The following SLC9A9 variants were observed in gnomAD, a reference collection of about 807,000 sequenced individuals.
SLC9A9 encodes the protein sodium/hydrogen exchanger 9.
SLC9A9 carries 62 observed loss-of-function variants against 77.8 expected under a neutral mutation model. The observed-to-expected ratio is 0.80, with a 90% CI of 0.65 to 0.98. SLC9A9 has a LOEUF of 0.98. SLC9A9 is among the 50% of genes least tolerant of loss of function. SLC9A9 has a pLI of 0.00. For synonymous variants in SLC9A9, 320 were observed against 283.5 expected, an observed-to-expected ratio of 1.13 and a Z score of -1.29; for missense variants, 775 against 774.9, an observed-to-expected ratio of 1.00 and a Z score of 0.00.
intron 11 of SLC9A9, among the ~76,000 whole-genome samples, chr3:143,489,645 A>G (rs531314338): frequency 8.5e-5 from 13 of 152,182 alleles, no homozygotes; most frequent in Admixed American, 6.5e-4. Flanking sequence ...CTCTAAAAGC[A>G]CAGGCAACAA....
chr3:143,383,979 A>C (rs2033361643), intron 12 of SLC9A9, among the ~76,000 whole-genome samples: 1 of 152,194 alleles, frequency 6.6e-6, no homozygotes, highest in African/African-American at 2.4e-5. Flanking sequence ...GAATAGCCCC[A>C]TCTCTCTAAC....
chr3:143,425,829 T>C (rs2034394452), intron 12 of SLC9A9, among the ~76,000 whole-genome samples: 1 of 152,170 alleles, frequency 6.6e-6, no homozygotes. Flanking sequence ...AGGTTCACAA[T>C]GACTGTTGCT....
At chr3:143,512,703 C>A (rs2036136926) in intron 9 of SLC9A9, among the ~76,000 whole-genome samples, 1 of 152,114 alleles carries the variant, frequency 6.6e-6, no homozygotes, top group South Asian at 2.1e-4. Flanking sequence ...TGGTGAAACC[C>A]CATCTCTACT....
intron 2 of SLC9A9, among the ~76,000 whole-genome samples, chr3:143,807,199 T>A (rs934379144): frequency 7.9e-5 from 12 of 151,534 alleles, no homozygotes; most frequent in Non-Finnish European, 1.6e-4. Context: ...ATCCCAGCAC[T>A]TTGGGAGGCT....
At chr3:143,704,208 T>G (rs1255066264) in intron 4 of SLC9A9, among the ~76,000 whole-genome samples, 1 of 152,206 alleles carries the variant, frequency 6.6e-6, no homozygotes, top group Admixed American at 6.5e-5. Context: ...GAGGGAATAC[T>G]TTCACATTCA....
At chr3:143,357,182 T>C (rs1236750656) in intron 14 of SLC9A9, among the ~76,000 whole-genome samples, 1 of 146,954 alleles carries the variant, frequency 6.8e-6, no homozygotes, top group Non-Finnish European at 1.5e-5. Context: ...TGTGGAGTTA[T>C]CTTTACATTT....
intron 6 of SLC9A9, among the ~76,000 whole-genome samples, chr3:143,595,564 A>G (rs1422461979): frequency 6.6e-6 from 1 of 152,202 alleles, no homozygotes; most frequent in Admixed American, 6.5e-5. Flanking sequence ...GAGTCTCTCA[A>G]TTAAGATCAG....
intron 7 of SLC9A9, among the ~76,000 whole-genome samples, chr3:143,577,097 G>A (rs1311527406): frequency 6.6e-6 from 1 of 152,092 alleles, no homozygotes; most frequent in East Asian, 1.9e-4. Flanking sequence ...CTTTGTTCCA[G>A]TTCCTCATCT....
intron 9 of SLC9A9, among the ~76,000 whole-genome samples, chr3:143,539,170 T>A (rs1304349615): frequency 6.6e-6 from 1 of 152,222 alleles, no homozygotes; most frequent in Non-Finnish European, 1.5e-5. Flanking sequence ...TCACAGCTGA[T>A]TCCAATCAAG....
At chr3:143,662,037 T>C (rs1405828890) in intron 5 of SLC9A9, among the ~76,000 whole-genome samples, 1 of 152,230 alleles carries the variant, frequency 6.6e-6, no homozygotes, top group African/African-American at 2.4e-5. Flanking sequence ...TTTATGTTTA[T>C]ATTTTTTAGT....
intron 14 of SLC9A9, among the ~76,000 whole-genome samples, chr3:143,317,949 G>C (rs6803673): frequency 0.014 from 2,142 of 152,184 alleles, 57 homozygotes; most frequent in African/African-American, 0.049. Flanking sequence ...GGATGGTCTC[G>C]ATCTCCTGAC....
intron 4 of SLC9A9, among the ~76,000 whole-genome samples, chr3:143,703,206 C>G (rs1294890095): frequency 2.0e-5 from 3 of 152,118 alleles, no homozygotes; most frequent in Non-Finnish European, 1.5e-5. Context: ...TTACTCTACA[C>G]TATAGACCAA....
chr3:143,368,806 C>T (rs796901728), intron 13 of SLC9A9, among the ~76,000 whole-genome samples: 4 of 152,230 alleles, frequency 2.6e-5, no homozygotes, highest in African/African-American at 9.6e-5. Context: ...GGATCAGATT[C>T]CATGCTTCTA....
chr3:143,396,241 C>T (rs1352102050), intron 12 of SLC9A9, among the ~76,000 whole-genome samples: 1 of 152,186 alleles, frequency 6.6e-6, no homozygotes, highest in Non-Finnish European at 1.5e-5. Context: ...AAATGTGGCA[C>T]ATATACACCA....
chr3:143,634,138 T>A (rs984992990), intron 6 of SLC9A9, among the ~76,000 whole-genome samples: 2 of 152,314 alleles, frequency 1.3e-5, no homozygotes, highest in Admixed American at 1.3e-4. Context: ...TGTGCTCCCA[T>A]AATCCTTTCT....
At chr3:143,803,466 G>A (rs1560087440) in intron 2 of SLC9A9, among the ~76,000 whole-genome samples, 1 of 152,022 alleles carries the variant, frequency 6.6e-6, no homozygotes, top group East Asian at 1.9e-4. Flanking sequence ...CCCTACTCTT[G>A]TTTACACTGC....
intron 11 of SLC9A9, among the ~76,000 whole-genome samples, chr3:143,477,186 C>G (rs2035490824): frequency 6.6e-6 from 1 of 152,130 alleles, no homozygotes; most frequent in African/African-American, 2.4e-5. Flanking sequence ...AAAATGAGAG[C>G]AGAAATGGTG....
intron 14 of SLC9A9, among the ~76,000 whole-genome samples, chr3:143,311,714 G>A (rs2031025357): frequency 1.3e-5 from 2 of 152,292 alleles, no homozygotes; most frequent in South Asian, 2.1e-4. Flanking sequence ...TTCTCAAGAT[G>A]CACATCTAAT....
At chr3:143,562,446 AC>A (rs2037103000) in intron 8 of SLC9A9, among the ~76,000 whole-genome samples, 1 of 152,116 alleles carries the variant, frequency 6.6e-6, no homozygotes, top group African/African-American at 2.4e-5. Context: ...CATGCACTTT[AC>A]CAGCACACTT....
Sources: gnomAD v4.1 joint callset for allele counts (sites outside exome capture counted in the v4.1 genomes callset) on GRCh38, gnomAD v4.1.1 for gene constraint, MANE v1.5 for transcripts, NCBI Gene and HGNC (gene_info 2026-07-23, HGNC 2026-07-21) for gene names.